The following RXFP2 variants were observed in gnomAD, a reference collection of about 807,000 sequenced individuals.
RXFP2 encodes relaxin receptor 2.
Under a neutral mutation model 88.6 loss-of-function variants are expected in RXFP2, and 68 were observed. The observed-to-expected ratio is 0.77, with a 90% CI of 0.63 to 0.94. RXFP2 has a LOEUF of 0.94. RXFP2 is among the 40% of genes least tolerant of loss of function. RXFP2 has a pLI of 0.00. For synonymous variants in RXFP2, 329 were observed against 306.8 expected, an observed-to-expected ratio of 1.07 and a Z score of -0.76; for missense variants, 791 against 893.9, an observed-to-expected ratio of 0.88 and a Z score of 1.47.
rs553442374 is a variant in RXFP2 at position 31,756,728 on chromosome 13, T to C, written c.95-1530T>C. ...CCTCTGCCCCCCAAGTTCAAGCAAC[T>C]CTTCTGCCTCAGCCTCCTGAGTAGC... On this transcript the variant is annotated intron_variant, in intron 1 of 17. Transcript: ENST00000298386. Among the ~76,000 whole-genome samples, 5 of 151,020 alleles carry C rather than the reference T, an allele frequency of 3.3e-5. No individual in the cohort carries two copies. The South Asian group carries it at 1.0e-3, about 32-fold the overall frequency.
At chr13:31,751,942 C>A (rs1420479831) in intron 1 of RXFP2, among the ~76,000 whole-genome samples, 1 of 152,148 alleles carries the variant, frequency 6.6e-6, no homozygotes, top group African/African-American at 2.4e-5. Context: ...TAAAAGAATG[C>A]ATCTCTAAAG....
At chr13:31,796,206 C>T (rs1185223599) in intron 16 of RXFP2, among the ~76,000 whole-genome samples, 1 of 149,322 alleles carries the variant, frequency 6.7e-6, no homozygotes, top group East Asian at 1.9e-4. Flanking sequence ...CCCGCCACCG[C>T]GCCCGGCTAA....
chr13:31,769,721 C>T (rs77927289), intron 5 of RXFP2, among the ~76,000 whole-genome samples: 1,548 of 152,274 alleles, frequency 0.01, 6 homozygotes, highest in Middle Eastern at 0.031. Flanking sequence ...TTCCATGCCA[C>T]ATGTGTTGCT....
At chr13:31,746,564 A>T (rs1213654926) in intron 1 of RXFP2, among the ~76,000 whole-genome samples, 1 of 152,224 alleles carries the variant, frequency 6.6e-6, no homozygotes, top group East Asian at 1.9e-4. Context: ...TAATAAACTC[A>T]TAAGACAAAT....
intron 17 of RXFP2, among the ~76,000 whole-genome samples, chr13:31,801,017 G>C (rs1322579): frequency 0.36 from 53,984 of 151,896 alleles, 9,761 homozygotes; most frequent in East Asian, 0.5. Context: ...AAAGAAGAAG[G>C]AAGGTCAGAT....
chr13:31,749,289 G>C (rs1871561610), intron 1 of RXFP2, among the ~76,000 whole-genome samples: 1 of 151,944 alleles, frequency 6.6e-6, no homozygotes, highest in Admixed American at 6.6e-5. Context: ...CTGTTCCATT[G>C]GTCTATTTTT....
At chr13:31,764,775 G>A (rs776336945) in intron 3 of RXFP2, among the ~76,000 whole-genome samples, 7 of 152,160 alleles carry the variant, frequency 4.6e-5, no homozygotes, top group Non-Finnish European at 7.3e-5. Context: ...GTTTATGCTA[G>A]TTAACATTTT....
intron 2 of RXFP2, among the ~76,000 whole-genome samples, chr13:31,759,418 A>AGAGAAAGAAAGAAAGAAAGAAAG (rs1872175235): frequency 5.3e-5 from 8 of 150,906 alleles, no homozygotes; most frequent in African/African-American, 1.9e-4. Flanking sequence ...AGAAAGAAAG[A>AGAGAAAGAAAGAAAGAAAGAAAG]AAGAAAGAAA....
chr13:31,766,142 T>C, intron 5 of RXFP2, 115 bp downstream of exon 5: 2 of 656,602 alleles, frequency 3.0e-6, no homozygotes, highest in Non-Finnish European at 5.5e-6. Context: ...TTTATGTTTC[T>C]AAATGTAATT....
chr13:31,787,549 T>C (rs759646926), intron 13 of RXFP2, among the ~76,000 whole-genome samples: 4 of 152,266 alleles, frequency 2.6e-5, no homozygotes, highest in Non-Finnish European at 5.9e-5. Flanking sequence ...AGTCACTACA[T>C]AATGCCTTCC....
chr13:31,781,843 C>T, intron 10 of RXFP2, 101 bp downstream of exon 10: 1 of 875,030 alleles, frequency 1.1e-6, no homozygotes, highest in Non-Finnish European at 1.9e-6. Context: ...GTTTTGTTTA[C>T]AGCCTTGGTC....
chr13:31,744,664 T>C (rs1871337608), intron 1 of RXFP2, among the ~76,000 whole-genome samples: 1 of 152,116 alleles, frequency 6.6e-6, no homozygotes, highest in Admixed American at 6.5e-5. Context: ...TTTAACTAAT[T>C]CTCCTTTTCT....
rs767518385 is a variant in RXFP2 at position 31,793,070 on chromosome 13, T to A, written c.1768T>A (p.Ser590Thr). 11 of 1,612,060 alleles carry A rather than the reference T, an allele frequency of 6.8e-6. No individual in the cohort carries two copies. Among genetic ancestry groups the A allele is most frequent in the South Asian group, 1.1e-5 (1 of 90,892 alleles). ...AGAAGATATTGGAAGCAAAGGGTAT[T>A]CTCTTGGAATTTTCCTAGGTAAATT... ...QTEDIGSKGY[S>T]LGIFLGVNLL... is the part of the protein sequence containing the mutation. Residue 590 changes from serine (S) to threonine (T), a missense_variant, in exon 16 of 18, where the codon TCT (serine) becomes ACT (threonine). Coordinates refer to ENST00000298386, the MANE Select transcript of RXFP2 (RefSeq NM_130806.5).
chr13:31,758,415 C>T lies in RXFP2; in HGVS notation c.241+11C>T. The T allele has an allele frequency of 6.2e-7, 1 of 1,613,870 alleles. No homozygotes were observed. Among genetic ancestry groups the T allele is most frequent in the Non-Finnish European group, 8.5e-7 (1 of 1,179,862 alleles). On this transcript the variant is annotated intron_variant, in intron 2 of 17. Transcript: ENST00000298386. ...ACGAAGAGAACTGTGGTGAGTGCTC[C>T]CCTCGGCTCCCCATGTGTGCCTCAC...
chr13:31,773,712 T>C (rs1872816954), intron 5 of RXFP2, among the ~76,000 whole-genome samples: 1 of 152,098 alleles, frequency 6.6e-6, no homozygotes, highest in South Asian at 2.1e-4. Context: ...ATAATCATGG[T>C]ATAACAAAAT....
intron 8 of RXFP2, among the ~76,000 whole-genome samples, chr13:31,778,250 G>A (rs1270113892): frequency 6.6e-6 from 1 of 152,088 alleles, no homozygotes; most frequent in African/African-American, 2.4e-5. Flanking sequence ...ATATACTTTT[G>A]TTTCATCTCA....
At chr13:31,746,254 T>C (rs1407703185) in intron 1 of RXFP2, among the ~76,000 whole-genome samples, 2 of 152,172 alleles carry the variant, frequency 1.3e-5, no homozygotes, top group Non-Finnish European at 2.9e-5. Flanking sequence ...GGCCAAAATA[T>C]ACATGGGCTT....
intron 7 of RXFP2, 67 bp from the exon 8 acceptor site, chr13:31,777,308 GA>G (rs1203823539): frequency 2.7e-6 from 3 of 1,091,850 alleles, no homozygotes; most frequent in Non-Finnish European, 4.2e-6. Context: ...GCCAGGTGTT[GA>G]GGGGAGGCAG....
chr13:31,777,390 A>G lies in RXFP2; in HGVS notation c.656A>G (p.Asn219Ser). 2 of 1,611,082 alleles carry G rather than the reference A, an allele frequency of 1.2e-6. No homozygotes were observed. Among genetic ancestry groups the G allele is most frequent in the Non-Finnish European group, 8.5e-7 (1 of 1,177,746 alleles). Reference sequence around the variant, plus strand: ...CATTTTGTCAGAATTCTAGATGACAATCCAATAACCAGAATTTCACAGCGC... The same window carrying G: ...CATTTTGTCAGAATTCTAGATGACAGTCCAATAACCAGAATTTCACAGCGC... ...HQLTWLILDD[N>S]PITRISQRLF... The change falls in exon 8 of 18, where the codon AAT becomes AGT. Residue 219 changes from asparagine to serine, a missense_variant. Coordinates refer to ENST00000298386, the MANE Select transcript of RXFP2 (RefSeq NM_130806.5).
Sources: gnomAD v4.1 joint callset for allele counts (sites outside exome capture counted in the v4.1 genomes callset) on GRCh38, gnomAD v4.1.1 for gene constraint, MANE v1.5 for transcripts, NCBI Gene and HGNC (gene_info 2026-07-23, HGNC 2026-07-21) for gene names.